HLA-DMB: variants seen among roughly 807,000 people sequenced by gnomAD.
HLA-DMB encodes the protein HLA class II histocompatibility antigen, DM beta chain.
In HLA-DMB, 18 loss-of-function variants were observed where a neutral mutation model predicts 29.3. The observed-to-expected ratio is 0.62, with a 90% CI of 0.43 to 0.91. The LOEUF (loss-of-function observed/expected upper bound fraction) is 0.91. Ranked by LOEUF, HLA-DMB falls within the 40% of genes least tolerant of loss-of-function variation. HLA-DMB has a pLI of 0.00. For missense variants in HLA-DMB, 258 were observed against 320.9 expected (o/e 0.80, Z 1.50); for synonymous variants, 143 against 128.7 (o/e 1.11, Z -0.75).
chr6:32,938,639 C>A (rs751281050), intron 2 of HLA-DMB, 45 bp downstream of exon 2: 1 of 1,438,738 alleles, frequency 7.0e-7, no homozygotes, highest in Non-Finnish European at 9.2e-7. Flanking sequence ...GCCTGCCCTC[C>A]TAACTGCACT....
At chr6:32,935,251 AT>A (rs1341427329) in intron 5 of HLA-DMB, 90 bp downstream of exon 5, 7 of 1,060,344 alleles carry the variant, frequency 6.6e-6, no homozygotes, top group Non-Finnish European at 1.0e-5. Flanking sequence ...CACCCATATA[AT>A]AATCAAGATT....
intron 1 of HLA-DMB, among the ~76,000 whole-genome samples, chr6:32,940,330 G>A (rs141060638): frequency 0.012 from 1,776 of 152,184 alleles, 11 homozygotes; most frequent in Non-Finnish European, 0.019. Context: ...AGCCCCCCGA[G>A]ATTATTTGCA....
rs763469949 is a variant in HLA-DMB, at chr6:32,938,745, A to G, written c.276T>C (p.Asn92=). ...TGTGTGTGGCACAATTCTGAAGCCC[A>G]TTGCGCAAGCGCTGCATCAGGGTGT... The part of the protein sequence containing the change: ...QKDTLMQRLR[N]GLQNCATHTQ... Residue 92 remains asparagine (N), a synonymous_variant, in exon 2 of 6, where the codon AAT becomes AAC. Transcript: ENST00000418107. 6.3e-7 allele frequency: 1 copy of G among 1,596,652 alleles called. No individual in the cohort carries two copies. Among genetic ancestry groups the G allele is most frequent in the Non-Finnish European group, 8.5e-7 (1 of 1,171,878 alleles).
intron 3 of HLA-DMB, chr6:32,936,828 C>T (rs1776027544): frequency 4.5e-6 from 1 of 222,390 alleles, no homozygotes; most frequent in African/African-American, 2.3e-5. Context: ...TTTACAGCCT[C>T]ATTTCAAAGC....
rs775432623 is a variant in HLA-DMB at position 32,940,759 on chromosome 6, C to T, written c.49G>A (p.Gly17Arg). 1.2e-6 allele frequency: 2 copies of T among 1,605,504 alleles called. No homozygotes were observed. Among genetic ancestry groups the T allele is most frequent in the East Asian group, 2.2e-5 (1 of 44,500 alleles). Residue 17 changes from glycine to arginine, a missense_variant, in exon 1 of 6, where the codon GGA becomes AGA. Coordinates refer to ENST00000418107, the MANE Select transcript of HLA-DMB (RefSeq NM_002118.5). ...CCAGAAGAAGTGTCCTTACCTGCTC[C>T]TGTGCAGCCCAGGCTGAGCCCCAGC... ...LLLGLSLGCT[G>R]AGGFVAHVES...
At chr6:32,936,386 C>T (rs1380300375) in intron 3 of HLA-DMB, 3 of 152,396 alleles carry the variant, frequency 2.0e-5, no homozygotes, top group Non-Finnish European at 4.4e-5. Flanking sequence ...AGAAACAACA[C>T]TTCCCACAAG....
At position 32,934,683 on chromosome 6, in the gene HLA-DMB, C is replaced by T. The variant is rs1169564760; in HGVS notation, c.*288G>A. 4.0e-6 allele frequency: 2 copies of T among 496,556 alleles called. No individual in the cohort carries two copies. Among genetic ancestry groups the T allele is most frequent in the Non-Finnish European group, 7.2e-6 (2 of 279,442 alleles). The allele number at this position is 496,556 out of a possible 1,614,324, so 30.8% of individuals were successfully genotyped here. On this transcript the variant is annotated 3_prime_UTR_variant, in exon 6 of 6. Coordinates refer to ENST00000418107, the MANE Select transcript of HLA-DMB (RefSeq NM_002118.5). ...TGAAACAATCACCAGTTGCTGTCCTCTATGGCACACTGAGAGCCCCAGGAG... is the reference window on the plus strand; with the variant it reads ...TGAAACAATCACCAGTTGCTGTCCTTTATGGCACACTGAGAGCCCCAGGAG...
chr6:32,935,697 C>A (rs1775961669), intron 3 of HLA-DMB, 45 bp from the exon 4 acceptor site: 1 of 1,403,494 alleles, frequency 7.1e-7, no homozygotes, highest in South Asian at 1.2e-5. Flanking sequence ...TGTTGCTCAC[C>A]CCCAGGGCAA....
intron 3 of HLA-DMB, chr6:32,936,204 C>G (rs1380419925): frequency 6.5e-6 from 1 of 154,876 alleles, no homozygotes; most frequent in East Asian, 1.9e-4. Flanking sequence ...TGGGCCGGTC[C>G]TGTTCTGAAT....
intron 3 of HLA-DMB, chr6:32,936,171 A>T: frequency 6.4e-6 from 1 of 156,182 alleles, no homozygotes; most frequent in South Asian, 1.9e-4. Context: ...TCTCCATCCC[A>T]CTCCACAGCC....
In HLA-DMB at chr6:32,935,672, A is replaced by G. The variant is rs758639050; in HGVS notation, c.623-20T>C. ...CAGGTGCTGCAAAAAATAGAAACTT[A>G]CTTGACCCAGTTTCTGTTGCTCACC... On this transcript the variant is annotated intron_variant, in intron 3 of 5. Coordinates refer to ENST00000418107, the MANE Select transcript of HLA-DMB (RefSeq NM_002118.5). The G allele has an allele frequency of 3.9e-5, 62 of 1,569,758 alleles. No homozygotes were observed. The highest frequency in any genetic ancestry group is 5.0e-5 in the Non-Finnish European group (57 of 1,142,192).
chr6:32,938,766 G>T lies in HLA-DMB; in HGVS notation c.255C>A (p.Thr85=), dbSNP rs1048578337. 1 of 1,606,552 alleles carries T rather than the reference G, an allele frequency of 6.2e-7. No individual in the cohort carries two copies. Among genetic ancestry groups the T allele is most frequent in the Non-Finnish European group, 8.5e-7 (1 of 1,176,994 alleles). Residue 85 remains threonine, a synonymous_variant, in exon 2 of 6, where the codon ACC becomes ACA. Transcript: ENST00000418107. ...VLSQHLNQKD[T]LMQRLRNGLQ... is the part of the protein sequence containing the mutation. ...GCCCATTGCGCAAGCGCTGCATCAG[G>T]GTGTCTTTTTGGTTGAGGTGCTGTG...
rs1257417879 is a variant in HLA-DMB, at chr6:32,940,921, G to A, written c.-114C>T. ...CCTGGGTAGATGATCTCCAGACACT[G>A]AGCAGAATACTATATTGCCCGGGTC... On this transcript the variant is annotated 5_prime_UTR_variant, in exon 1 of 6. Coordinates refer to ENST00000418107, the MANE Select transcript of HLA-DMB (RefSeq NM_002118.5). 4 of 752,406 alleles carry A rather than the reference G, an allele frequency of 5.3e-6. No individual in the cohort carries two copies. Among genetic ancestry groups the A allele is most frequent in the African/African-American group, 5.2e-5 (3 of 57,612 alleles). 46.6% of individuals were successfully genotyped at this position (752,406 alleles called of 1,614,324 possible).
intron 2 of HLA-DMB, chr6:32,938,117 A>T (rs1776116163): frequency 6.5e-6 from 1 of 153,718 alleles, no homozygotes; most frequent in South Asian, 2.1e-4. Flanking sequence ...GTATCCCCAG[A>T]TACTTTCTTT....
rs372328837 is a variant in HLA-DMB at position 32,937,413 on chromosome 6, C to T, written c.381G>A (p.Thr127=). The T allele has an allele frequency of 3.0e-5, 48 of 1,614,024 alleles. No homozygotes were observed. The African/African-American group carries it at 4.0e-4, about 13-fold the overall frequency. ...AGCAGGCCAGCATCACAGGCTCCCTCGTGTTAAAAGGAGTGGTTTTGGCTA... is the reference window on the plus strand; with the variant it reads ...AGCAGGCCAGCATCACAGGCTCCCTTGTGTTAAAAGGAGTGGTTTTGGCTA... ...VQVAKTTPFN[T]REPVMLACYV... is the part of the protein sequence containing the mutation. The change falls in exon 3 of 6, where the codon ACG becomes ACA. Residue 127 remains threonine, a synonymous_variant. Transcript: ENST00000418107. This position sits in a 1 kb window ranked among gnomAD's most constrained non-coding sequence, Gnocchi z 4.1.
rs1401387390 is a variant in HLA-DMB, at chr6:32,934,960, G to T, written c.*11C>A. 6.2e-7 allele frequency: 1 copy of T among 1,612,590 alleles called. No individual in the cohort carries two copies. The highest frequency in any genetic ancestry group is 1.7e-5 in the Admixed American group (1 of 60,006). On this transcript the variant is annotated 3_prime_UTR_variant, in exon 6 of 6. Transcript: ENST00000418107. ...CTTCTCACTTGGAGTGGAAGTTGTA[G>T]GATTCTGCCTCTAGGAAATGTGCCA...
intron 3 of HLA-DMB, 47 bp from the exon 4 acceptor site, chr6:32,935,699 C>T (rs1281602039): frequency 1.4e-6 from 2 of 1,381,902 alleles, no homozygotes. Context: ...TTGCTCACCC[C>T]CAGGGCAATT....
intron 3 of HLA-DMB, 50 bp from the exon 4 acceptor site, chr6:32,935,702 G>T: frequency 7.4e-7 from 1 of 1,358,912 alleles, no homozygotes; most frequent in Non-Finnish European, 1.1e-6. Context: ...CTCACCCCCA[G>T]GGCAATTCCA....
chr6:32,934,699 G>T lies in HLA-DMB; in HGVS notation c.*272C>A, dbSNP rs1417207801. 5.8e-6 allele frequency: 3 copies of T among 518,378 alleles called. No individual in the cohort carries two copies. In the African/African-American group the frequency reaches 5.8e-5, roughly 10 times the overall value. The allele number at this position is 518,378 out of a possible 1,614,324, so 32.1% of individuals were successfully genotyped here. A position where few individuals can be genotyped will look rare whatever the true frequency, so the allele number is the denominator to read the frequency against. The stretch of plus-strand genomic sequence containing the variant: ...TGCTGTCCTCTATGGCACACTGAGA[G>T]CCCCAGGAGGGTCTTTAACTCCCTT... On this transcript the variant is annotated 3_prime_UTR_variant, in exon 6 of 6. Transcript: ENST00000418107.
Sources: gnomAD v4.1 joint callset for allele counts (sites outside exome capture counted in the v4.1 genomes callset) on GRCh38, gnomAD v4.1.1 for gene constraint, Gnocchi (gnomAD v3.1) non-coding constraint, MANE v1.5 for transcripts, NCBI Gene and HGNC (gene_info 2026-07-23, HGNC 2026-07-21) for gene names.